The following PNPT1 variants were observed in gnomAD, a reference collection of about 807,000 sequenced individuals.
The protein encoded by PNPT1 is polyribonucleotide nucleotidyltransferase 1, mitochondrial.
Under a neutral mutation model 119.5 loss-of-function variants are expected in PNPT1, and 53 were observed. That is an observed-to-expected ratio of 0.44 (90% CI 0.36 to 0.56). PNPT1 has a LOEUF of 0.56. PNPT1 is among the 20% of genes least tolerant of loss of function. The pLI, the probability that PNPT1 is intolerant of heterozygous loss-of-function variation, is 0.00. For synonymous variants in PNPT1, 357 were observed against 322.1 expected, an observed-to-expected ratio of 1.11 and a Z score of -1.16; for missense variants, 948 against 938.5, an observed-to-expected ratio of 1.01 and a Z score of -0.13.
rs1696933401 is a variant in PNPT1 at position 55,672,045 on chromosome 2, G to A, written c.868C>T (p.Leu290Phe). The change falls in exon 10 of 28, where the codon CTT (leucine) becomes TTT (phenylalanine). Residue 290 changes from leucine (L) to phenylalanine (F), a missense_variant and splice_region_variant. Transcript: ENST00000447944. ...ACTGCATAGAGTCTCTCCATAGCAAGTCTATTTAAGCAGAAAATAAATGTT... is the reference window on the plus strand; with the variant it reads ...ACTGCATAGAGTCTCTCCATAGCAAATCTATTTAAGCAGAAAATAAATGTT... ...SPEIVKYTHK[L>F]AMERLYAVFT... The A allele has an allele frequency of 6.3e-7, 1 of 1,591,258 alleles. No homozygotes were observed. The highest frequency in any genetic ancestry group is 1.4e-5 in the African/African-American group (1 of 73,958).
At chr2:55,674,449 C>T (rs1697004718) in intron 8 of PNPT1, among the ~76,000 whole-genome samples, 1 of 152,088 alleles carries the variant, frequency 6.6e-6, no homozygotes, top group Admixed American at 6.6e-5. Flanking sequence ...AAGAATTAGC[C>T]AGGCATAGTG....
At chr2:55,653,830 T>A (rs955890105) in intron 18 of PNPT1, among the ~76,000 whole-genome samples, 11 of 152,366 alleles carry the variant, frequency 7.2e-5, no homozygotes, top group African/African-American at 2.4e-4. Context: ...CTCTTTTCTA[T>A]CTTTCATGCC....
intron 18 of PNPT1, among the ~76,000 whole-genome samples, chr2:55,650,948 G>T (rs1427285001): frequency 1.9e-4 from 29 of 150,086 alleles, no homozygotes; most frequent in African/African-American, 6.6e-4. Flanking sequence ...GGGAGGTGGG[G>T]GGATCAGCCC....
chr2:55,672,271 T>A (rs1368079634), intron 9 of PNPT1, among the ~76,000 whole-genome samples: 1 of 152,232 alleles, frequency 6.6e-6, no homozygotes, highest in Non-Finnish European at 1.5e-5. Context: ...AAACCACATG[T>A]AGTATCCTGT....
At chr2:55,640,993 A>G (rs923904230) in intron 25 of PNPT1, among the ~76,000 whole-genome samples, 2 of 152,150 alleles carry the variant, frequency 1.3e-5, no homozygotes, top group Admixed American at 6.5e-5. Flanking sequence ...TGGGAGGCCA[A>G]GGTGAGCAGA....
Position 55,656,402 on chromosome 2 carries a change from T to C in PNPT1, c.1285-31A>G, listed in dbSNP as rs764807468. On this transcript the variant is annotated intron_variant, in intron 15 of 27. Transcript: ENST00000447944. ...AAAAAAAAAAACACAAACACACATA[T>C]ACAATTGACATAGAAAGATGTCCAA... 9.1e-6 allele frequency: 14 copies of C among 1,532,550 alleles called. No homozygotes were observed. The East Asian group carries it at 2.9e-4, about 32-fold the overall frequency. 94.9% of individuals were successfully genotyped at this position (1,532,550 alleles called of 1,614,324 possible). A position where few individuals can be genotyped will look rare whatever the true frequency, so the allele number is the denominator to read the frequency against.
At chr2:55,659,413 C>G (rs952636296) in intron 15 of PNPT1, among the ~76,000 whole-genome samples, 5 of 152,124 alleles carry the variant, frequency 3.3e-5, no homozygotes, top group Non-Finnish European at 7.4e-5. Flanking sequence ...TACTACTAAT[C>G]AACTGAGTAT....
At chr2:55,665,183 C>T (rs959796897) in intron 13 of PNPT1, among the ~76,000 whole-genome samples, 1 of 152,106 alleles carries the variant, frequency 6.6e-6, no homozygotes, top group Non-Finnish European at 1.5e-5. Flanking sequence ...GGTGACATCA[C>T]AAGTCATTGA....
chr2:55,680,794 A>C, intron 6 of PNPT1, 35 bp from the exon 7 acceptor site: 1 of 1,612,648 alleles, frequency 6.2e-7, no homozygotes, highest in Non-Finnish European at 8.5e-7. Context: ...CCGAAATTAA[A>C]ATTTCATTGC....
At chr2:55,671,397 A>G in intron 10 of PNPT1, 21 bp from the exon 11 acceptor site, 1 of 1,441,276 alleles carries the variant, frequency 6.9e-7, no homozygotes, top group Non-Finnish European at 9.4e-7. Flanking sequence ...GTTGAGGTTC[A>G]GTTATTACAT....
intron 25 of PNPT1, among the ~76,000 whole-genome samples, chr2:55,641,763 T>G (rs1372966744): frequency 6.6e-6 from 1 of 152,190 alleles, no homozygotes; most frequent in Non-Finnish European, 1.5e-5. Context: ...ATAATTTCCT[T>G]TTTCTTAAAA....
rs202182599 is a variant in PNPT1, at chr2:55,672,919, C to A, written c.840G>T (p.Ser280=). ...TATGAGTATATTTCACAATCTCTGG[C>A]GAAGGGGTAAATAACTTCTGAGGTG... ...KRTPQKLFTP[S]PEIVKYTHKL... The change falls in exon 9 of 28, where the codon TCG becomes TCT. Residue 280 remains serine, a synonymous_variant. Coordinates refer to ENST00000447944, the MANE Select transcript of PNPT1 (RefSeq NM_033109.5). The A allele has an allele frequency of 3.7e-6, 6 of 1,605,422 alleles. No homozygotes were observed. The highest frequency in any genetic ancestry group is 2.7e-5 in the African/African-American group (2 of 74,344).
intron 18 of PNPT1, among the ~76,000 whole-genome samples, chr2:55,650,315 G>A (rs985215615): frequency 2.6e-5 from 4 of 152,290 alleles, no homozygotes; most frequent in East Asian, 1.9e-4. Context: ...ACTGGTTTTC[G>A]TATTTTTTTG....
rs533506126 is a variant in PNPT1, at chr2:55,664,428, C to A, written c.1177-2402G>T. ...ACTAGCCTGGGCAATATGGCGAAAC[C>A]CTGACTCTACAAAAATTTTTTACAA... On this transcript the variant is annotated intron_variant, in intron 13 of 27. Coordinates refer to ENST00000447944, the MANE Select transcript of PNPT1 (RefSeq NM_033109.5). Among the ~76,000 whole-genome samples, 8 of 152,156 alleles carry A rather than the reference C, an allele frequency of 5.3e-5. No individual in the cohort carries two copies. In the East Asian group the frequency reaches 1.5e-3, roughly 29 times the overall value.
At chr2:55,665,808 T>C (rs1572817307) in intron 13 of PNPT1, among the ~76,000 whole-genome samples, 2 of 152,178 alleles carry the variant, frequency 1.3e-5, no homozygotes, top group African/African-American at 2.4e-5. Flanking sequence ...ATCAGATTGA[T>C]AGAATTAAAG....
chr2:55,635,957 A>C lies in PNPT1; in HGVS notation c.*280T>G, dbSNP rs1432504915. The stretch of plus-strand genomic sequence containing the variant: ...TCTATCTAAGTTTTTCATATATTTC[A>C]GAATTGTAAAAACAAAACTATGTAA... On this transcript the variant is annotated 3_prime_UTR_variant, in exon 28 of 28. Transcript: ENST00000447944. The C allele has an allele frequency of 1.1e-5, 2 of 174,078 alleles. No individual in the cohort carries two copies. Among genetic ancestry groups the C allele is most frequent in the Non-Finnish European group, 2.3e-5 (2 of 85,752 alleles). The allele number at this position is 174,078 out of a possible 1,614,324, so 10.8% of individuals were successfully genotyped here. A position where few individuals can be genotyped will look rare whatever the true frequency, so the allele number is the denominator to read the frequency against.
intron 11 of PNPT1, among the ~76,000 whole-genome samples, chr2:55,668,937 T>C (rs1055983748): frequency 6.6e-6 from 1 of 152,262 alleles, no homozygotes; most frequent in African/African-American, 2.4e-5. Flanking sequence ...CTCACTCTTT[T>C]GCCTTTAATC....
rs992877769 is a variant in PNPT1 at position 55,644,694 on chromosome 2, G to A, written c.1849C>T (p.Arg617Ter). 5 of 1,611,460 alleles carry A rather than the reference G, an allele frequency of 3.1e-6. No homozygotes were observed. The highest frequency in any genetic ancestry group is 3.4e-6 in the Non-Finnish European group (4 of 1,178,262). ...VETVQVPLSKRAKFVGPGGYN... is the reference protein window; with the variant it reads ...VETVQVPLSK ...CCACCAGGTCCAACAAATTTTGCTC[G>A]TTTTGATAATGGAACCTGAACAGTT... Residue 617 changes from arginine to a stop codon, truncating the protein, a stop_gained, in exon 23 of 28, where the codon CGA becomes TGA. Transcript: ENST00000447944. LOFTEE classifies it high-confidence loss of function.
chr2:55,673,269 C>T (rs1252931414), intron 8 of PNPT1, among the ~76,000 whole-genome samples, 190 bp from the exon 9 acceptor site: 2 of 151,638 alleles, frequency 1.3e-5, no homozygotes, highest in Non-Finnish European at 2.9e-5. Flanking sequence ...AATAAAGACA[C>T]CTTGATATCT....
Sources: gnomAD v4.1 joint callset for allele counts (sites outside exome capture counted in the v4.1 genomes callset) on GRCh38, gnomAD v4.1.1 for gene constraint, MANE v1.5 for transcripts, NCBI Gene and HGNC (gene_info 2026-07-23, HGNC 2026-07-21) for gene names.